Variants in UBR2 observed in about 807,000 individuals in gnomAD.
The protein encoded by UBR2 is ubiquitin protein ligase E3 component n-recognin 2.
UBR2 carries 92 observed loss-of-function variants against 247.9 expected under a neutral mutation model. The ratio of observed to expected loss-of-function variants is 0.37; its 90% confidence interval spans 0.31 to 0.44. The LOEUF (loss-of-function observed/expected upper bound fraction) is 0.44. Ranked by LOEUF, UBR2 falls within the 20% of genes least tolerant of loss-of-function variation. The probability of loss-of-function intolerance (pLI) is 1.00; values close to 1 mark genes in which losing one functional copy is unlikely to be tolerated. For missense variants in UBR2, 1,613 were observed against 2,112.6 expected (o/e 0.76, Z 4.64); for synonymous variants, 672 against 693.5 (o/e 0.97, Z 0.49).
chr6:42,570,438 G>A lies in UBR2; in HGVS notation c.79-3296G>A, dbSNP rs149121375. Among the ~76,000 whole-genome samples the A allele has an allele frequency of 1.4e-3, 217 of 152,148 alleles. 5 individuals carry two copies. The East Asian group carries it at 0.039, about 28-fold the overall frequency. ...AGTAGAGATGGGGTTTCACCATGTT[G>A]GCCATGGTGGTCTCGAACTCCTGGC... On this transcript the variant is annotated intron_variant, in intron 1 of 46. Coordinates refer to ENST00000372901, the MANE Select transcript of UBR2 (RefSeq NM_001363705.2).
At chr6:42,601,384 C>T (rs1582497145) in intron 4 of UBR2, among the ~76,000 whole-genome samples, 1 of 152,092 alleles carries the variant, frequency 6.6e-6, no homozygotes, top group South Asian at 2.1e-4. Flanking sequence ...ACCTTGCTAG[C>T]AGAAACAATA....
rs1799744252 is a variant in UBR2 at position 42,691,428 on chromosome 6, C to T, written c.*255C>T. The T allele has an allele frequency of 4.2e-6, 2 of 479,140 alleles. No individual in the cohort carries two copies. Among genetic ancestry groups the T allele is most frequent in the Non-Finnish European group, 7.5e-6 (2 of 268,226 alleles). The allele number at this position is 479,140 out of a possible 1,614,324, so 29.7% of individuals were successfully genotyped here. ...AGGAGCTTCTCTTCCTAGATTGGAT[C>T]CCAGCCCCTTTGTGGGGGTCTGACT... On this transcript the variant is annotated 3_prime_UTR_variant, in exon 47 of 47. Transcript: ENST00000372901.
At chr6:42,673,213 G>T (rs1005832151) in intron 36 of UBR2, among the ~76,000 whole-genome samples, 5 of 152,112 alleles carry the variant, frequency 3.3e-5, no homozygotes, top group African/African-American at 9.7e-5. Context: ...TACATTTTAC[G>T]GAAGAGTATC....
At chr6:42,617,689 AG>A (rs1444849487) in intron 11 of UBR2, among the ~76,000 whole-genome samples, 182 bp downstream of exon 11, 1 of 152,204 alleles carries the variant, frequency 6.6e-6, no homozygotes, top group Admixed American at 6.5e-5. Flanking sequence ...GTCATCTGGT[AG>A]GGGGGAAGTC....
chr6:42,612,065 C>T, intron 7 of UBR2, 106 bp from the exon 8 acceptor site: 4 of 1,061,296 alleles, frequency 3.8e-6, no homozygotes, highest in Non-Finnish European at 5.1e-6. Flanking sequence ...GAAAAAGTCT[C>T]CTATGATGAT....
intron 28 of UBR2, 48 bp from the exon 29 acceptor site, chr6:42,658,598 T>C (rs1472524525): frequency 1.3e-6 from 2 of 1,530,734 alleles, no homozygotes; most frequent in African/African-American, 1.4e-5. Flanking sequence ...TGGAAAAAAA[T>C]GTGCGTTTTA....
intron 2 of UBR2, among the ~76,000 whole-genome samples, 195 bp from the exon 3 acceptor site, chr6:42,591,956 A>G (rs1036740321): frequency 6.6e-6 from 1 of 152,224 alleles, no homozygotes; most frequent in Non-Finnish European, 1.5e-5. Flanking sequence ...CACATCCATT[A>G]TGGAGACGCA....
At chr6:42,594,416 T>C (rs1187831125) in intron 4 of UBR2, 112 bp downstream of exon 4, 4 of 759,104 alleles carry the variant, frequency 5.3e-6, no homozygotes, top group African/African-American at 1.7e-5. Flanking sequence ...CTATTGACAG[T>C]GACTAGTTTA....
chr6:42,691,523 C>T lies in UBR2; in HGVS notation c.*350C>T, dbSNP rs1470148616. 3.6e-6 allele frequency: 1 copy of T among 276,382 alleles called. No homozygotes were observed. The highest frequency in any genetic ancestry group is 2.3e-5 in the African/African-American group (1 of 43,130). The allele number at this position is 276,382 out of a possible 1,614,324, so 17.1% of individuals were successfully genotyped here. ...GTGAACCGTGGGTCCGAAGCTGACTCAACGGAGGCAGGGAACAAAGTCTCT... is the reference window on the plus strand; with the variant it reads ...GTGAACCGTGGGTCCGAAGCTGACTTAACGGAGGCAGGGAACAAAGTCTCT... On this transcript the variant is annotated 3_prime_UTR_variant, in exon 47 of 47. Coordinates refer to ENST00000372901, the MANE Select transcript of UBR2 (RefSeq NM_001363705.2).
At chr6:42,624,949 G>T (rs558991854) in intron 11 of UBR2, among the ~76,000 whole-genome samples, 131 of 152,258 alleles carry the variant, frequency 8.6e-4, no homozygotes, top group Non-Finnish European at 1.6e-3. Context: ...TTTTATAAAG[G>T]CAGTTTCCTT....
chr6:42,658,163 T>G, intron 27 of UBR2, 30 bp downstream of exon 27: 1 of 1,612,052 alleles, frequency 6.2e-7, no homozygotes, highest in East Asian at 2.2e-5. Flanking sequence ...CTGCTTTTTG[T>G]GAGAAATATT....
At chr6:42,634,326 T>C (rs1227562869) in intron 13 of UBR2, 1 of 382,378 alleles carries the variant, frequency 2.6e-6, no homozygotes, top group Admixed American at 3.8e-5. Context: ...TGTAAGAAGA[T>C]AGGTGACGTC....
intron 15 of UBR2, among the ~76,000 whole-genome samples, chr6:42,639,630 T>TAAG: frequency 6.6e-6 from 1 of 152,286 alleles, no homozygotes; most frequent in Middle Eastern, 3.4e-3. Context: ...TCAGTATCAG[T>TAAG]AAGGACCGTG....
At chr6:42,656,877 G>A (rs2151970898) in intron 26 of UBR2, among the ~76,000 whole-genome samples, 1 of 151,588 alleles carries the variant, frequency 6.6e-6, no homozygotes, top group South Asian at 2.1e-4. Flanking sequence ...TTTGTTTCTG[G>A]TGTGTTTATT....
At chr6:42,603,354 T>C (rs1352596997) in intron 4 of UBR2, among the ~76,000 whole-genome samples, 1 of 152,240 alleles carries the variant, frequency 6.6e-6, no homozygotes, top group Non-Finnish European at 1.5e-5. Flanking sequence ...TTGAGTGCCA[T>C]TGAATATTTT....
At chr6:42,677,680 G>A (rs889619745) in intron 40 of UBR2, among the ~76,000 whole-genome samples, 1 of 152,142 alleles carries the variant, frequency 6.6e-6, no homozygotes, top group Admixed American at 6.5e-5. Context: ...TCAGGAGGTT[G>A]AGGTAGTCAG....
At chr6:42,655,748 C>A in intron 26 of UBR2, 25 bp downstream of exon 26, 1 of 1,318,306 alleles carries the variant, frequency 7.6e-7, no homozygotes, top group Non-Finnish European at 1.0e-6. Context: ...TTTTACTAAA[C>A]TAACTCAAGA....
intron 37 of UBR2, 93 bp downstream of exon 37, chr6:42,673,980 A>G (rs892457922): frequency 1.6e-6 from 2 of 1,273,318 alleles, no homozygotes; most frequent in Non-Finnish European, 2.2e-6. Flanking sequence ...TGAATTAAAT[A>G]TTTAGTAGTA....
chr6:42,692,242 A>G lies in UBR2; in HGVS notation c.*1069A>G, dbSNP rs1283479468. On this transcript the variant is annotated 3_prime_UTR_variant, in exon 47 of 47. Coordinates refer to ENST00000372901, the MANE Select transcript of UBR2 (RefSeq NM_001363705.2). Reference sequence around the variant, plus strand: ...TTCTAAGGCTAAATTGGCAGAGTATATCATCTAAAGCCAAACACTGAAGAA... The same window carrying G: ...TTCTAAGGCTAAATTGGCAGAGTATGTCATCTAAAGCCAAACACTGAAGAA... The G allele has an allele frequency of 6.6e-6, 1 of 152,178 alleles. No homozygotes were observed. The highest frequency in any genetic ancestry group is 1.5e-5 in the Non-Finnish European group (1 of 68,034). The allele number at this position is 152,178 out of a possible 1,614,324, so 9.4% of individuals were successfully genotyped here.
Sources: allele counts gnomAD v4.1 joint callset (sites outside exome capture counted in the v4.1 genomes callset), GRCh38; gene constraint gnomAD v4.1.1; transcripts MANE v1.5; gene names NCBI Gene and HGNC (gene_info 2026-07-23, HGNC 2026-07-21).